Variants in MTMR3 observed in about 807,000 individuals in gnomAD.
The protein encoded by MTMR3 is phosphatidylinositol-3,5-bisphosphate 3-phosphatase MTMR3.
A neutral mutation model predicts 132.4 loss-of-function variants in MTMR3; 32 were observed. The observed-to-expected ratio is 0.24, with a 90% CI of 0.18 to 0.32. The LOEUF (loss-of-function observed/expected upper bound fraction) is 0.32. MTMR3 is among the 10% of genes least tolerant of loss of function. The pLI, the probability that MTMR3 is intolerant of heterozygous loss-of-function variation, is 1.00. For missense variants in MTMR3, 1,216 were observed against 1,489.6 expected, an observed-to-expected ratio of 0.82 and a Z score of 3.02; for synonymous variants, 556 against 550.3, an observed-to-expected ratio of 1.01 and a Z score of -0.14.
At chr22:29,985,947 AC>A (rs1273909713) in intron 5 of MTMR3, 2 of 151,620 alleles carry the variant, frequency 1.3e-5, no homozygotes, top group African/African-American at 4.9e-5. Context: ...TGTAAAACTT[AC>A]CTGTTCTTTG....
At chr22:30,016,345 G>T (rs146258610) in intron 14 of MTMR3, 183 bp from the exon 15 acceptor site, 43 of 596,320 alleles carry the variant, frequency 7.2e-5, no homozygotes, top group Admixed American at 3.4e-4. Context: ...GACTCAGGTT[G>T]TTGGGTCCTG....
At chr22:30,008,104 T>C in intron 11 of MTMR3, 72 bp downstream of exon 11, 1 of 1,570,486 alleles carries the variant, frequency 6.4e-7, no homozygotes, top group Non-Finnish European at 8.7e-7. Flanking sequence ...TGAGACTTAG[T>C]TCCCAATTTG....
In MTMR3 at chr22:29,978,504, G is replaced by T; in HGVS notation, c.66G>T (p.Gln22His). 1 of 1,613,766 alleles carries T rather than the reference G, an allele frequency of 6.2e-7. No homozygotes were observed. Among genetic ancestry groups the T allele is most frequent in the Non-Finnish European group, 8.5e-7 (1 of 1,179,762 alleles). ...IQANQIFPRK[Q>H]LIREDENLQV... ...CCAATCAGATCTTTCCCAGGAAGCAGCTGATCCGGGAGGATGAGAATCTTC... is the reference window on the plus strand; with the variant it reads ...CCAATCAGATCTTTCCCAGGAAGCATCTGATCCGGGAGGATGAGAATCTTC... The change falls in exon 4 of 20, where the codon CAG (glutamine) becomes CAT (histidine). Residue 22 changes from glutamine to histidine, a missense_variant. Transcript: ENST00000401950.
chr22:29,945,555 T>A (rs748684985), intron 1 of MTMR3, among the ~76,000 whole-genome samples: 210 of 150,066 alleles, frequency 1.4e-3, no homozygotes, highest in Admixed American at 3.0e-3. Flanking sequence ...AAAAAAAAAA[T>A]GTAGCCAGGC....
At chr22:29,923,032 A>C in intron 1 of MTMR3, among the ~76,000 whole-genome samples, 1 of 145,740 alleles carries the variant, frequency 6.9e-6, no homozygotes, top group Non-Finnish European at 1.5e-5. Flanking sequence ...ACACTACCAC[A>C]TCCAGCCAAT....
intron 1 of MTMR3, among the ~76,000 whole-genome samples, chr22:29,898,214 G>A (rs1262512266): frequency 1.3e-5 from 2 of 152,118 alleles, no homozygotes; most frequent in Non-Finnish European, 2.9e-5. Context: ...GTCCTTTATT[G>A]ATAGTTGTTT....
intron 1 of MTMR3, among the ~76,000 whole-genome samples, chr22:29,914,019 G>GAAT (rs2065263917): frequency 6.6e-6 from 1 of 151,916 alleles, no homozygotes; most frequent in African/African-American, 2.4e-5. Flanking sequence ...CAAAGTGCTG[G>GAAT]GATTACAGGC....
At chr22:29,998,889 A>C (rs748207879) in intron 8 of MTMR3, 32 bp downstream of exon 8, 6 of 1,496,020 alleles carry the variant, frequency 4.0e-6, no homozygotes. Flanking sequence ...GGACTGTTTC[A>C]CAGCCAGTGC....
intron 5 of MTMR3, chr22:29,980,796 T>G (rs954383790): frequency 6.6e-6 from 1 of 152,250 alleles, no homozygotes; most frequent in Non-Finnish European, 1.5e-5. Context: ...AAACTGATCA[T>G]GTCATTCATC....
At chr22:29,887,975 C>T (rs1469266735) in intron 1 of MTMR3, among the ~76,000 whole-genome samples, 1 of 151,572 alleles carries the variant, frequency 6.6e-6, no homozygotes, top group African/African-American at 2.4e-5. Context: ...TTTCACTTAT[C>T]TGGGGTCTAA....
chr22:29,933,085 C>G (rs1271605533), intron 1 of MTMR3, among the ~76,000 whole-genome samples: 1 of 152,164 alleles, frequency 6.6e-6, no homozygotes, highest in Non-Finnish European at 1.5e-5. Context: ...TCTCCTGCTT[C>G]AGCCTCCCTA....
intron 1 of MTMR3, among the ~76,000 whole-genome samples, chr22:29,913,522 A>C (rs1169954969): frequency 6.6e-6 from 1 of 152,154 alleles, no homozygotes; most frequent in Non-Finnish European, 1.5e-5. Context: ...TAATTTGCAC[A>C]AATTTTGCCT....
intron 1 of MTMR3, among the ~76,000 whole-genome samples, chr22:29,907,282 G>T (rs2065122273): frequency 6.6e-6 from 1 of 151,284 alleles, no homozygotes; most frequent in East Asian, 2.0e-4. Flanking sequence ...GGCGCCTGTA[G>T]TCCCAGCTAC....
At chr22:29,944,596 C>T (rs562958166) in intron 1 of MTMR3, among the ~76,000 whole-genome samples, 8 of 152,170 alleles carry the variant, frequency 5.3e-5, no homozygotes, top group Non-Finnish European at 1.0e-4. Context: ...GCTTGGTATG[C>T]AGAGGCAGCA....
chr22:29,949,141 ACACCCCCCCCCCC>A (rs1448948544), intron 1 of MTMR3, among the ~76,000 whole-genome samples: 49 of 17,410 alleles, frequency 2.8e-3, no homozygotes, highest in African/African-American at 6.1e-3. Flanking sequence ...ACACACACAC[ACACCCCCCCCCCC>A]CCCCCCGAGG....
chr22:29,986,377 A>C (rs2066858099), intron 5 of MTMR3: 4 of 165,294 alleles, frequency 2.4e-5, no homozygotes, highest in South Asian at 3.9e-4. Flanking sequence ...AAAAGCAGTA[A>C]GTGTCTGTTA....
chr22:29,887,849 A>G (rs1451366801), intron 1 of MTMR3, among the ~76,000 whole-genome samples: 2 of 152,170 alleles, frequency 1.3e-5, no homozygotes, highest in Non-Finnish European at 2.9e-5. Context: ...AAGAGAATAT[A>G]TCAGTACATT....
chr22:29,920,170 C>T (rs1413695300), intron 1 of MTMR3, among the ~76,000 whole-genome samples: 9 of 151,060 alleles, frequency 6.0e-5, no homozygotes, highest in East Asian at 2.0e-4. Context: ...GCTGAGATCG[C>T]GCCACTGCAC....
intron 2 of MTMR3, among the ~76,000 whole-genome samples, chr22:29,962,550 G>T (rs2066332713): frequency 6.6e-6 from 1 of 152,084 alleles, no homozygotes; most frequent in African/African-American, 2.4e-5. Flanking sequence ...TTGCACCTGT[G>T]GTCCTGGCTA....
Sources: gnomAD v4.1 joint callset for allele counts (sites outside exome capture counted in the v4.1 genomes callset) on GRCh38, gnomAD v4.1.1 for gene constraint, MANE v1.5 for transcripts, NCBI Gene and HGNC (gene_info 2026-07-23, HGNC 2026-07-21) for gene names.